SYN2: variants seen among roughly 807,000 people sequenced by gnomAD.
The protein encoded by SYN2 is synapsin-2.
In SYN2, 19 loss-of-function variants were observed where a neutral mutation model predicts 50.9. The ratio of observed to expected loss-of-function variants is 0.37; its 90% CI spans 0.26 to 0.55. The LOEUF (loss-of-function observed/expected upper bound fraction) is 0.55, where lower values mean the gene tolerates loss of function less well. Ranked by LOEUF, SYN2 falls within the 20% of genes least tolerant of loss-of-function variation. The pLI is 0.81. For synonymous variants in SYN2, 255 were observed against 224.9 expected (o/e 1.13, Z -1.20); for missense variants, 587 against 576.4 (o/e 1.02, Z -0.19).
intron 1 of SYN2, among the ~76,000 whole-genome samples, chr3:12,028,740 A>G (rs2125140320): frequency 1.3e-5 from 2 of 148,402 alleles, no homozygotes; most frequent in South Asian, 4.3e-4. Flanking sequence ...TTTTTCTTGT[A>G]AATTTGTTTG....
At chr3:12,153,345 C>T in intron 5 of SYN2, 3 of 732,274 alleles carry the variant, frequency 4.1e-6, no homozygotes, top group Non-Finnish European at 4.7e-6. Context: ...GAGGGCAGGG[C>T]AGAAAAGTCA....
intron 10 of SYN2, among the ~76,000 whole-genome samples, chr3:12,170,776 C>A (rs1348233608): frequency 6.6e-6 from 1 of 152,180 alleles, no homozygotes; most frequent in Non-Finnish European, 1.5e-5. Flanking sequence ...AATGAGAATT[C>A]TCTCGGCTAT....
chr3:12,044,912 A>G (rs1472359686), intron 1 of SYN2, among the ~76,000 whole-genome samples: 2 of 152,232 alleles, frequency 1.3e-5, no homozygotes, highest in Admixed American at 6.5e-5. Flanking sequence ...AAATTTCACA[A>G]TTACCTGAAA....
chr3:12,150,077 C>A (rs988024204), intron 4 of SYN2, among the ~76,000 whole-genome samples: 1 of 152,182 alleles, frequency 6.6e-6, no homozygotes, highest in African/African-American at 2.4e-5. Flanking sequence ...CCTCGTCTCC[C>A]CTCCCTGGCT....
rs570555368 is a variant in SYN2, at chr3:12,183,055, A to G, written c.1309-257A>G. Among the ~76,000 whole-genome samples, 10 of 152,308 alleles carry G rather than the reference A, an allele frequency of 6.6e-5. No homozygotes were observed. The South Asian group carries it at 1.9e-3, about 28-fold the overall frequency. On this transcript the variant is annotated intron_variant, in intron 10 of 12. Coordinates refer to ENST00000621198, the MANE Select transcript of SYN2 (RefSeq NM_133625.6). ...GAGTCTAAATGGAGGAAAATGAAAAAGGGGTTGAAGAGGTCTCAGGCATTG... is the reference window on the plus strand; with the variant it reads ...GAGTCTAAATGGAGGAAAATGAAAAGGGGGTTGAAGAGGTCTCAGGCATTG...
intron 1 of SYN2, among the ~76,000 whole-genome samples, chr3:12,093,905 A>G (rs145644020): frequency 1.1e-3 from 163 of 144,804 alleles, no homozygotes; most frequent in Middle Eastern, 4.3e-3. Flanking sequence ...TGCCCAGGCT[A>G]GAGTGCAGTG....
intron 1 of SYN2, among the ~76,000 whole-genome samples, chr3:12,088,407 A>T (rs1049071070): frequency 2.0e-5 from 3 of 152,196 alleles, no homozygotes; most frequent in Non-Finnish European, 4.4e-5. Flanking sequence ...AAGACAAAAG[A>T]TAAGTATTGG....
At chr3:12,072,130 A>G (rs1011952357) in intron 1 of SYN2, among the ~76,000 whole-genome samples, 4 of 152,148 alleles carry the variant, frequency 2.6e-5, no homozygotes, top group Admixed American at 1.3e-4. Flanking sequence ...GGCTATTTGT[A>G]TATGTTCTTT....
chr3:12,052,859 A>G (rs1185162180), intron 1 of SYN2, among the ~76,000 whole-genome samples: 1 of 152,204 alleles, frequency 6.6e-6, no homozygotes, highest in African/African-American at 2.4e-5. Context: ...ATGCTAAGTT[A>G]GGAGATTTGA....
intron 1 of SYN2, among the ~76,000 whole-genome samples, chr3:12,083,973 T>G (rs145492147): frequency 3.3e-5 from 5 of 152,290 alleles, no homozygotes; most frequent in African/African-American, 1.2e-4. Context: ...AGGAGAATGC[T>G]GGAATAGTCC....
chr3:12,068,058 CGAATGAAT>C (rs541128758), intron 1 of SYN2, among the ~76,000 whole-genome samples: 6 of 151,898 alleles, frequency 4.0e-5, no homozygotes, highest in South Asian at 2.1e-4. Flanking sequence ...GACCTTGTCT[CGAATGAAT>C]GAATGAATGA....
intron 1 of SYN2, among the ~76,000 whole-genome samples, chr3:12,137,853 A>T (rs550768955): frequency 6.6e-6 from 1 of 152,226 alleles, no homozygotes; most frequent in East Asian, 1.9e-4. Context: ...AGGAATGGGA[A>T]AAAAGAACAT....
intron 1 of SYN2, among the ~76,000 whole-genome samples, chr3:12,122,091 C>T (rs1464784477): frequency 5.9e-5 from 9 of 152,190 alleles, no homozygotes. Flanking sequence ...ACAGTATCTT[C>T]ATAGCAACAT....
chr3:12,152,603 G>A (rs962666500), intron 5 of SYN2, among the ~76,000 whole-genome samples: 4 of 152,188 alleles, frequency 2.6e-5, no homozygotes, highest in Non-Finnish European at 5.9e-5. Context: ...GGGCCTTTGT[G>A]TTATTTCTCT....
chr3:12,121,779 G>A (rs1350629260), intron 1 of SYN2, among the ~76,000 whole-genome samples: 1 of 152,028 alleles, frequency 6.6e-6, no homozygotes, highest in South Asian at 2.1e-4. Context: ...GAAAAATAGA[G>A]ACTTATTTTT....
chr3:12,052,771 AAC>A (rs1026912055), intron 1 of SYN2, among the ~76,000 whole-genome samples: 2 of 152,162 alleles, frequency 1.3e-5, no homozygotes, highest in African/African-American at 2.4e-5. Flanking sequence ...GAAAGAGAAA[AAC>A]AGTTTTTTTT....
intron 10 of SYN2, among the ~76,000 whole-genome samples, 159 bp downstream of exon 10, chr3:12,170,065 G>A (rs1007720924): frequency 2.6e-5 from 4 of 152,180 alleles, no homozygotes; most frequent in Non-Finnish European, 5.9e-5. Flanking sequence ...CTTTACCCTG[G>A]AGTCCTGATT....
At chr3:12,011,365 T>G (rs990262034) in intron 1 of SYN2, among the ~76,000 whole-genome samples, 23 of 152,344 alleles carry the variant, frequency 1.5e-4, no homozygotes, top group African/African-American at 5.3e-4. Flanking sequence ...AGAAGGCTTT[T>G]CTGTTCTGCA....
At chr3:12,104,592 T>TTTTTTC (rs1696144741) in intron 1 of SYN2, among the ~76,000 whole-genome samples, 1 of 144,726 alleles carries the variant, frequency 6.9e-6, no homozygotes, top group Non-Finnish European at 1.5e-5. Context: ...TTTTTTTTTT[T>TTTTTTC]GAGACTGAGT....
Sources: gnomAD v4.1 joint callset for allele counts (sites outside exome capture counted in the v4.1 genomes callset) on GRCh38, gnomAD v4.1.1 for gene constraint, MANE v1.5 for transcripts, NCBI Gene and HGNC (gene_info 2026-07-23, HGNC 2026-07-21) for gene names.